Variants in KISS1R observed in about 807,000 individuals in gnomAD.
KISS1R encodes KISS1 receptor.
Under a neutral mutation model 22.0 loss-of-function variants are expected in KISS1R, and 19 were observed. The ratio of observed to expected loss-of-function variants is 0.86; its 90% confidence interval spans 0.60 to 1.26. The LOEUF (loss-of-function observed/expected upper bound fraction) is 1.26, where lower values mean the gene tolerates loss of function less well. Ranked by LOEUF, KISS1R falls within the 50% of genes most tolerant of loss-of-function variation. The pLI, the probability that KISS1R is intolerant of heterozygous loss-of-function variation, is 0.00. For synonymous variants in KISS1R, 302 were observed against 283.9 expected, an observed-to-expected ratio of 1.06 and a Z score of -0.64; for missense variants, 653 against 581.9, an observed-to-expected ratio of 1.12 and a Z score of -1.26.
At position 920,484 on chromosome 19, in the gene KISS1R, G is replaced by A; in HGVS notation, c.933G>A (p.Met311Ile). ...CGCTTAAGACCTGGGCTCACTGCAT[G>A]TCCTACAGCAACTCCGCGCTGAACC... Reference protein sequence around the residue: ...AYALKTWAHCMSYSNSALNPL... With the variant: ...AYALKTWAHCISYSNSALNPL... The change falls in exon 5 of 5, where the codon ATG becomes ATA. Residue 311 changes from methionine (M) to isoleucine (I), a missense_variant. By Grantham distance (10) the Met-to-Ile change is conservative. Coordinates refer to ENST00000234371, the MANE Select transcript of KISS1R (RefSeq NM_032551.5). 6.2e-7 allele frequency: 1 copy of A among 1,610,544 alleles called. No individual in the cohort carries two copies. Among genetic ancestry groups the A allele is most frequent in the Non-Finnish European group, 8.5e-7 (1 of 1,179,026 alleles).
rs2037066490 is a variant in KISS1R at position 917,540 on chromosome 19, GGGGGGCACC to G, written c.41_49del (p.Gly14_Pro16del). ...GCTACGTCCGGACCCAACGCGTCCT[GGGGGGCACC>G]GGCCAACGCCTCCGGCTGCCCGGGC... On this transcript the variant is annotated inframe_deletion, in exon 1 of 5. Transcript: ENST00000234371. The G allele has an allele frequency of 6.6e-7, 1 of 1,517,142 alleles. No homozygotes were observed. Among genetic ancestry groups the G allele is most frequent in the African/African-American group, 1.4e-5 (1 of 70,780 alleles). The allele number at this position is 1,517,142 out of a possible 1,614,324, so 94.0% of individuals were successfully genotyped here.
intron 1 of KISS1R, 106 bp from the exon 2 acceptor site, chr19:918,438 C>T: frequency 7.4e-7 from 1 of 1,349,012 alleles, no homozygotes; most frequent in Non-Finnish European, 1.0e-6. Context: ...AGCCATCCTG[C>T]TGGTCACTCG....
At chr19:918,430 C>A (rs1020123816) in intron 1 of KISS1R, 114 bp from the exon 2 acceptor site, 90 of 1,304,604 alleles carry the variant, frequency 6.9e-5, no homozygotes, top group Middle Eastern at 2.6e-4. Context: ...CCTCCCTGAG[C>A]CATCCTGCTG....
In KISS1R at chr19:919,912, C is replaced by T; in HGVS notation, c.544C>T (p.Arg182Cys). ...GTCTGCGCCGGTGCTCGCCCTGCACCGCCTGTCACCCGGGCCGCGCGCCTA... is the reference window on the plus strand; with the variant it reads ...GTCTGCGCCGGTGCTCGCCCTGCACTGCCTGTCACCCGGGCCGCGCGCCTA... ...AVSAPVLALH[R>C]LSPGPRAYCS... is the part of the protein sequence containing the mutation. Residue 182 changes from arginine to cysteine, a missense_variant, in exon 4 of 5, where the codon CGC (arginine) becomes TGC (cysteine). By Grantham distance (180) the Arg-to-Cys change is radical (BLOSUM62 -3). Coordinates refer to ENST00000234371, the MANE Select transcript of KISS1R (RefSeq NM_032551.5). 1 of 1,550,536 alleles carries T rather than the reference C, an allele frequency of 6.4e-7. No homozygotes were observed.
rs768861954 is a variant in KISS1R, at chr19:917,722, C to A, written c.220C>A (p.Arg74=). 11 of 1,606,646 alleles carry A rather than the reference C, an allele frequency of 6.8e-6. No homozygotes were observed. Among genetic ancestry groups the A allele is most frequent in the South Asian group, 1.1e-5 (1 of 90,302 alleles). Reference sequence around the variant, plus strand: ...CGTCATCTGCCGCCACAAGCCGATGCGGACCGTGACCAACTTCTACATCGG... The same window carrying A: ...CGTCATCTGCCGCCACAAGCCGATGAGGACCGTGACCAACTTCTACATCGG... ...IYVICRHKPM[R]TVTNFYIANL... The change falls in exon 1 of 5, where the codon CGG becomes AGG. Residue 74 remains arginine (R), a synonymous_variant. Coordinates refer to ENST00000234371, the MANE Select transcript of KISS1R (RefSeq NM_032551.5).
rs554744020 is a variant in KISS1R at position 917,646 on chromosome 19, C to T, written c.144C>T (p.Phe48=). The part of the protein sequence containing the change: ...RAVDAWLVPL[F]FAALMLLGLV... ...TGGACGCCTGGCTCGTGCCGCTCTT[C>T]TTCGCGGCGCTGATGCTGCTGGGCC... The change falls in exon 1 of 5, where the codon TTC becomes TTT. Residue 48 remains phenylalanine (F), a synonymous_variant. Coordinates refer to ENST00000234371, the MANE Select transcript of KISS1R (RefSeq NM_032551.5). The T allele has an allele frequency of 3.1e-6, 5 of 1,588,772 alleles. No homozygotes were observed. The highest frequency in any genetic ancestry group is 1.3e-5 in the African/African-American group (1 of 74,518).
intron 2 of KISS1R, 127 bp from the exon 3 acceptor site, chr19:919,363 T>C: frequency 7.4e-7 from 1 of 1,354,788 alleles, no homozygotes; most frequent in South Asian, 1.2e-5. Flanking sequence ...CACTGGACAC[T>C]CCTCCCAGGA....
chr19:920,161 G>A, intron 4 of KISS1R, 55 bp downstream of exon 4: 1 of 1,477,598 alleles, frequency 6.8e-7, no homozygotes, highest in Non-Finnish European at 8.9e-7. Flanking sequence ...AGGCACCGTG[G>A]TGGGAGGCGC....
chr19:919,130 G>A (rs1406152534), intron 2 of KISS1R, among the ~76,000 whole-genome samples: 1 of 150,954 alleles, frequency 6.6e-6, no homozygotes, highest in Non-Finnish European at 1.5e-5. Flanking sequence ...GCCTAGAACT[G>A]GAGTGGGGGG....
chr19:920,472 G>A lies in KISS1R; in HGVS notation c.921G>A (p.Trp307Ter), dbSNP rs1274395410. 5.0e-6 allele frequency: 8 copies of A among 1,611,284 alleles called. No homozygotes were observed. Among genetic ancestry groups the A allele is most frequent in the Non-Finnish European group, 6.8e-6 (8 of 1,179,230 alleles). The stretch of plus-strand genomic sequence containing the variant: ...ACGCCGCCTACGCGCTTAAGACCTG[G>A]GCTCACTGCATGTCCTACAGCAACT... ...RSYAAYALKT[W>*]AHCMSYSNSA... Residue 307 changes from tryptophan (W) to a stop codon, truncating the protein, a stop_gained, in exon 5 of 5, where the codon TGG becomes TGA. Transcript: ENST00000234371. LOFTEE classifies it low-confidence loss of function (END_TRUNC).
chr19:919,551 C>T lies in KISS1R; in HGVS notation c.431C>T (p.Thr144Met), dbSNP rs2037094860. ...TAMSVDRWYVTVFPLRALHRR... is the reference protein window; with the variant it reads ...TAMSVDRWYVMVFPLRALHRR... ...ATGAGTGTGGACCGCTGGTACGTGA[C>T]GGTGTTCCCGTTGCGCGCCCTGCAC... is the stretch of plus-strand genomic sequence containing the variant. The change falls in exon 3 of 5, where the codon ACG becomes ATG. Residue 144 changes from threonine to methionine, a missense_variant. By Grantham distance (81) the Thr-to-Met change is moderately conservative (BLOSUM62 -1). Transcript: ENST00000234371. The T allele has an allele frequency of 1.3e-6, 2 of 1,561,496 alleles. No individual in the cohort carries two copies. The highest frequency in any genetic ancestry group is 1.7e-6 in the Non-Finnish European group (2 of 1,157,298).
chr19:920,406 G>T lies in KISS1R; in HGVS notation c.855G>T (p.Leu285=), dbSNP rs1449979523. 6.2e-7 allele frequency: 1 copy of T among 1,604,096 alleles called. No homozygotes were observed. The highest frequency in any genetic ancestry group is 2.2e-5 in the East Asian group (1 of 44,532). ...GCCCCATCCAGCTGTTCCTGGTGCT[G>T]CAGGCGCTGGGCCCCGCGGGCTCCT... ...CWGPIQLFLV[L]QALGPAGSWH... is the part of the protein sequence containing the mutation. The change falls in exon 5 of 5, where the codon CTG becomes CTT. Residue 285 remains leucine, a synonymous_variant. Transcript: ENST00000234371.
rs1486134418 is a variant in KISS1R, at chr19:920,067, G to C, written c.699G>C (p.Arg233=). 1.3e-6 allele frequency: 2 copies of C among 1,525,722 alleles called. No homozygotes were observed. Among genetic ancestry groups the C allele is most frequent in the African/African-American group, 1.4e-5 (1 of 71,316 alleles). 94.5% of individuals were successfully genotyped at this position (1,525,722 alleles called of 1,614,324 possible). ...CYAAMLRHLG[R]VAVRPAPADS... ...CGGCCATGCTGCGCCACCTGGGCCG[G>C]GTCGCCGTGCGCCCCGCGCCCGCCG... Residue 233 remains arginine (R), a synonymous_variant, in exon 4 of 5, where the codon CGG becomes CGC. Coordinates refer to ENST00000234371, the MANE Select transcript of KISS1R (RefSeq NM_032551.5).
In KISS1R at chr19:917,639, C is replaced by T. The variant is rs1462773854; in HGVS notation, c.137C>T (p.Pro46Leu). 7.6e-6 allele frequency: 12 copies of T among 1,585,710 alleles called. No homozygotes were observed. Among genetic ancestry groups the T allele is most frequent in the East Asian group, 2.3e-5 (1 of 43,398 alleles). The change falls in exon 1 of 5, where the codon CCG becomes CTG. Residue 46 changes from proline (P) to leucine (L), a missense_variant. By Grantham distance (98) the Pro-to-Leu change is moderately conservative. Coordinates refer to ENST00000234371, the MANE Select transcript of KISS1R (RefSeq NM_032551.5). ...CGGGCCGTGGACGCCTGGCTCGTGC[C>T]GCTCTTCTTCGCGGCGCTGATGCTG... is the stretch of plus-strand genomic sequence containing the variant. ...SPRAVDAWLV[P>L]LFFAALMLLG...
intron 2 of KISS1R, 22 bp downstream of exon 2, chr19:918,690 G>T: frequency 1.3e-6 from 2 of 1,547,530 alleles, no homozygotes. Flanking sequence ...AGCAGGAGGG[G>T]AGAGGGCGCA....
At position 920,283 on chromosome 19, in the gene KISS1R, C is replaced by T. The variant is rs1407257469; in HGVS notation, c.739-7C>T. 1.3e-6 allele frequency: 2 copies of T among 1,568,622 alleles called. No homozygotes were observed. The highest frequency in any genetic ancestry group is 1.4e-5 in the African/African-American group (1 of 73,596). On this transcript the variant is annotated splice_polypyrimidine_tract_variant and splice_region_variant and intron_variant, in intron 4 of 4. Coordinates refer to ENST00000234371, the MANE Select transcript of KISS1R (RefSeq NM_032551.5). ...TTCGTCTAACCACCTTCACGGCACC[C>T]CCCCAGGGGCAGGTGCTGGCAGAGC...
intron 3 of KISS1R, 57 bp downstream of exon 3, chr19:919,682 C>A: frequency 6.5e-7 from 1 of 1,536,254 alleles, no homozygotes; most frequent in Non-Finnish European, 8.7e-7. Context: ...GTGCCCTGGG[C>A]GCCCGGAGCC....
Position 919,596 on chromosome 19 carries a change from C to G in KISS1R, c.476C>G (p.Ala159Gly). 6.4e-7 allele frequency: 1 copy of G among 1,552,928 alleles called. No individual in the cohort carries two copies. The highest frequency in any genetic ancestry group is 8.7e-7 in the Non-Finnish European group (1 of 1,152,556). ...RALHRRTPRL[A>G]LAVSLSIWVG... is the part of the protein sequence containing the mutation. ...CTGCACCGCCGCACGCCCCGCCTGGCGCTGGCTGTCAGCCTCAGCATCTGG... is the reference window on the plus strand; with the variant it reads ...CTGCACCGCCGCACGCCCCGCCTGGGGCTGGCTGTCAGCCTCAGCATCTGG... Residue 159 changes from alanine (A) to glycine (G), a missense_variant, in exon 3 of 5, where the codon GCG becomes GGG. By Grantham distance (60) the Ala-to-Gly change is moderately conservative. Transcript: ENST00000234371.
Position 919,577 on chromosome 19 carries a change from C to A in KISS1R, c.457C>A (p.Arg153Ser). The change falls in exon 3 of 5, where the codon CGC (arginine) becomes AGC (serine). Residue 153 changes from arginine (R) to serine (S), a missense_variant. By Grantham distance (110) the Arg-to-Ser change is moderately radical (BLOSUM62 -1). Transcript: ENST00000234371. ...GGTGTTCCCGTTGCGCGCCCTGCAC[C>A]GCCGCACGCCCCGCCTGGCGCTGGC... ...VTVFPLRALH[R>S]RTPRLALAVS... The A allele has an allele frequency of 6.4e-7, 1 of 1,555,632 alleles. No individual in the cohort carries two copies. Among genetic ancestry groups the A allele is most frequent in the East Asian group, 2.4e-5 (1 of 42,050 alleles).
Sources: allele counts gnomAD v4.1 joint callset (sites outside exome capture counted in the v4.1 genomes callset), GRCh38; gene constraint gnomAD v4.1.1; transcripts MANE v1.5; gene names NCBI Gene and HGNC (gene_info 2026-07-23, HGNC 2026-07-21).